ELMO1: variants seen among roughly 807,000 people sequenced by gnomAD.
ELMO1 encodes the protein engulfment and cell motility 1.
ELMO1 carries 26 observed loss-of-function variants against 98.9 expected under a neutral mutation model. That is an observed-to-expected ratio of 0.26 (90% CI 0.19 to 0.36). The LOEUF is 0.36. Among genes scored for constraint, ELMO1 ranks in the 10% least tolerant of loss-of-function variants. The pLI is 1.00. For synonymous variants in ELMO1, 346 were observed against 346.0 expected (o/e 1.00, Z 0.00); for missense variants, 627 against 935.2 (o/e 0.67, Z 4.30).
chr7:36,957,122 C>G (rs1788522609), intron 16 of ELMO1, among the ~76,000 whole-genome samples: 1 of 152,224 alleles, frequency 6.6e-6, no homozygotes, highest in African/African-American at 2.4e-5. Context: ...TCCATGAAAA[C>G]AGTATTTGTG....
intron 14 of ELMO1, among the ~76,000 whole-genome samples, chr7:37,114,561 C>T (rs1785452929): frequency 6.6e-6 from 1 of 152,082 alleles, no homozygotes; most frequent in African/African-American, 2.4e-5. Flanking sequence ...TAGCAAAGTT[C>T]TGAGTAGGTT....
Position 37,363,323 on chromosome 7 carries a change from G to A in ELMO1, c.-73-20560C>T, listed in dbSNP as rs747112006. On this transcript the variant is annotated intron_variant, in intron 1 of 21. Coordinates refer to ENST00000310758, the MANE Select transcript of ELMO1 (RefSeq NM_014800.11). ...AGCCCTTAGATCTATTCTCTACATA[G>A]CCACCAAAGTCGAAACCACAAAGAC... Among the ~76,000 whole-genome samples the A allele has an allele frequency of 9.2e-5, 14 of 151,948 alleles. No homozygotes were observed. The East Asian group carries it at 9.6e-4, about 10-fold the overall frequency.
chr7:37,346,405 A>G (rs1046540412), intron 1 of ELMO1, among the ~76,000 whole-genome samples: 1 of 152,092 alleles, frequency 6.6e-6, no homozygotes, highest in Admixed American at 6.6e-5. Flanking sequence ...TAGCAATGCC[A>G]ATTTGTTTAT....
chr7:37,103,239 G>C lies in ELMO1; in HGVS notation c.1192-6512C>G, dbSNP rs1784738138. 2.0e-5 allele frequency among the ~76,000 whole-genome samples: 3 copies of C among 152,164 alleles called. No individual in the cohort carries two copies. The South Asian group carries it at 6.2e-4, about 32-fold the overall frequency. Reference sequence around the variant, plus strand: ...ATTCTTATCGCTCTTGGGAAAAGCTGTTGAAAAAGCACGACAGAAAACAAA... The same window carrying C: ...ATTCTTATCGCTCTTGGGAAAAGCTCTTGAAAAAGCACGACAGAAAACAAA... On this transcript the variant is annotated intron_variant, in intron 14 of 21. Transcript: ENST00000310758.
rs116435151 is a variant in ELMO1 at position 37,408,004 on chromosome 7, T to C, written c.-74+40671A>G. Among the ~76,000 whole-genome samples, 1,116 of 152,296 alleles carry C rather than the reference T, an allele frequency of 7.3e-3. 11 individuals are homozygous for C. The highest frequency in any genetic ancestry group is 0.026 in the African/African-American group (1,064 of 41,560). On this transcript the variant is annotated intron_variant, in intron 1 of 21. Transcript: ENST00000310758. ...TTAAAATATTTATTAATTTTAAAAA[T>C]AGTAACTTCAAAAAATTGTGTCAAG...
chr7:37,298,572 C>A (rs971278749), intron 4 of ELMO1, among the ~76,000 whole-genome samples: 2 of 144,614 alleles, frequency 1.4e-5, no homozygotes, highest in Non-Finnish European at 3.0e-5. Context: ...TTTGTTCTTG[C>A]GATAGTTTAC....
chr7:37,293,278 G>C (rs1194587006), intron 4 of ELMO1, among the ~76,000 whole-genome samples: 3 of 136,138 alleles, frequency 2.2e-5, no homozygotes, highest in South Asian at 2.4e-4. Context: ...GAATAGAAAG[G>C]GGGGAAAGGT....
At chr7:37,108,874 A>C (rs1785083396) in intron 14 of ELMO1, among the ~76,000 whole-genome samples, 1 of 152,206 alleles carries the variant, frequency 6.6e-6, no homozygotes, top group South Asian at 2.1e-4. Flanking sequence ...CCTTACATGA[A>C]TACCAACTTG....
intron 1 of ELMO1, among the ~76,000 whole-genome samples, chr7:37,344,033 A>ATTT (rs10626425): frequency 0.31 from 41,791 of 133,946 alleles, 7,167 homozygotes; most frequent in East Asian, 0.43. Flanking sequence ...AAAAGGCAGC[A>ATTT]TTTTTTTTTT....
intron 16 of ELMO1, among the ~76,000 whole-genome samples, chr7:36,918,205 A>G (rs1038871836): frequency 1.3e-5 from 2 of 152,154 alleles, no homozygotes; most frequent in African/African-American, 4.8e-5. Flanking sequence ...AGCAGTATGC[A>G]TAACTCAACT....
intron 11 of ELMO1, among the ~76,000 whole-genome samples, chr7:37,214,717 A>G (rs890176109): frequency 6.6e-6 from 1 of 152,220 alleles, no homozygotes; most frequent in Non-Finnish European, 1.5e-5. Flanking sequence ...TCCAATCCTC[A>G]GAAAAGCATG....
chr7:37,437,687 A>ATATAATTATTAACTATT (rs1583763296), intron 1 of ELMO1, among the ~76,000 whole-genome samples: 4,241 of 81,150 alleles, frequency 0.052, 1,912 homozygotes, highest in Non-Finnish European at 0.064. Flanking sequence ...AATATACAAT[A>ATATAATTATTAACTATT]GGCCGGGCGC....
At chr7:36,980,806 C>T (rs1292354872) in intron 16 of ELMO1, among the ~76,000 whole-genome samples, 1 of 152,162 alleles carries the variant, frequency 6.6e-6, no homozygotes, top group Non-Finnish European at 1.5e-5. Flanking sequence ...TAGGCCTTGG[C>T]TTGGCTGAAA....
chr7:37,338,879 G>A (rs1260674729), intron 2 of ELMO1, among the ~76,000 whole-genome samples: 1 of 152,084 alleles, frequency 6.6e-6, no homozygotes, highest in Non-Finnish European at 1.5e-5. Flanking sequence ...GAAGCTCCTG[G>A]GGATTTTTCC....
chr7:37,116,971 C>T (rs188865799), intron 14 of ELMO1: 1 of 212,746 alleles, frequency 4.7e-6, no homozygotes, highest in Admixed American at 4.2e-5. Context: ...TGGAGAGGCC[C>T]AGTGAGAGGC....
intron 2 of ELMO1, among the ~76,000 whole-genome samples, chr7:37,330,556 G>A (rs552125212): frequency 6.6e-6 from 1 of 152,096 alleles, no homozygotes; most frequent in South Asian, 2.1e-4. Flanking sequence ...GAACCTGACT[G>A]CCATCAATCA....
chr7:37,315,802 C>T, intron 3 of ELMO1, 118 bp downstream of exon 3: 1 of 911,768 alleles, frequency 1.1e-6, no homozygotes, highest in Admixed American at 2.4e-5. Flanking sequence ...TTCTTATTGA[C>T]TTTGAGCAAG....
intron 19 of ELMO1, among the ~76,000 whole-genome samples, chr7:36,877,366 T>C (rs1329457939): frequency 2.0e-5 from 3 of 152,234 alleles, no homozygotes; most frequent in African/African-American, 7.2e-5. Flanking sequence ...ATTTGTATTG[T>C]TAACACTGTC....
At chr7:37,215,567 C>G (rs1266115835) in intron 11 of ELMO1, among the ~76,000 whole-genome samples, 1 of 152,214 alleles carries the variant, frequency 6.6e-6, no homozygotes, top group African/African-American at 2.4e-5. Context: ...TTCTCCTGCC[C>G]TAACCACCCA....
Sources: gnomAD v4.1 joint callset for allele counts (sites outside exome capture counted in the v4.1 genomes callset) on GRCh38, gnomAD v4.1.1 for gene constraint, MANE v1.5 for transcripts, NCBI Gene and HGNC (gene_info 2026-07-23, HGNC 2026-07-21) for gene names.